FRMD3: variants seen among roughly 807,000 people sequenced by gnomAD.
FRMD3 encodes FERM domain-containing protein 3.
In FRMD3, 33 loss-of-function variants were observed where a neutral mutation model predicts 70.2. The ratio of observed to expected loss-of-function variants is 0.47; its 90% CI spans 0.36 to 0.63. The LOEUF (loss-of-function observed/expected upper bound fraction) is 0.63, where lower values mean the gene tolerates loss of function less well. Among genes scored for constraint, FRMD3 ranks in the 20% least tolerant of loss-of-function variants. The pLI, the probability that FRMD3 is intolerant of heterozygous loss-of-function variation, is 0.00. For synonymous variants in FRMD3, 279 were observed against 255.9 expected (o/e 1.09, Z -0.86); for missense variants, 632 against 711.4 (o/e 0.89, Z 1.27).
intron 1 of FRMD3, among the ~76,000 whole-genome samples, chr9:83,405,932 C>T (rs190718384): frequency 3.3e-5 from 5 of 152,070 alleles, no homozygotes; most frequent in Admixed American, 6.5e-5. Flanking sequence ...CAATTTTACT[C>T]GGTCACAGAT....
chr9:83,255,701 A>G (rs1563976415), intron 13 of FRMD3, among the ~76,000 whole-genome samples: 2 of 152,174 alleles, frequency 1.3e-5, no homozygotes, highest in Non-Finnish European at 2.9e-5. Flanking sequence ...ATCAATGTGC[A>G]AAAATAGCTA....
At chr9:83,376,479 A>G (rs1203097241) in intron 2 of FRMD3, among the ~76,000 whole-genome samples, 1 of 152,230 alleles carries the variant, frequency 6.6e-6, no homozygotes, top group Non-Finnish European at 1.5e-5. Context: ...TTATCATTAT[A>G]CCTGCAATCA....
chr9:83,381,749 A>G (rs1825363324), intron 2 of FRMD3, among the ~76,000 whole-genome samples: 1 of 152,162 alleles, frequency 6.6e-6, no homozygotes, highest in African/African-American at 2.4e-5. Flanking sequence ...CCCTTCATCC[A>G]TTAAGCAACC....
chr9:83,363,775 C>T (rs1411847805), intron 3 of FRMD3, among the ~76,000 whole-genome samples: 2 of 152,010 alleles, frequency 1.3e-5, no homozygotes, highest in African/African-American at 2.4e-5. Flanking sequence ...AGGATGGTCT[C>T]GATCTCCTGA....
At chr9:83,440,877 G>A (rs1359448355) in intron 1 of FRMD3, among the ~76,000 whole-genome samples, 1 of 152,166 alleles carries the variant, frequency 6.6e-6, no homozygotes, top group Non-Finnish European at 1.5e-5. Flanking sequence ...GGGGCCATTA[G>A]GGCTGCATTC....
At chr9:83,402,047 T>G (rs1825964073) in intron 1 of FRMD3, among the ~76,000 whole-genome samples, 1 of 151,972 alleles carries the variant, frequency 6.6e-6, no homozygotes, top group African/African-American at 2.4e-5. Context: ...TAATAAATCT[T>G]AAACTATTAT....
chr9:83,447,522 C>A (rs761692964), intron 1 of FRMD3, among the ~76,000 whole-genome samples: 1 of 152,154 alleles, frequency 6.6e-6, no homozygotes, highest in African/African-American at 2.4e-5. Flanking sequence ...GCCGTAGGCC[C>A]GAGGCACTGT....
the FRMD3 span, among the ~76,000 whole-genome samples, chr9:83,569,348 C>T: frequency 2.0e-3 from 301 of 152,320 alleles, no homozygotes; most frequent in Non-Finnish European, 3.6e-3. Context: ...GAGATCCCTC[C>T]TCTTGCAGAT....
intron 1 of FRMD3, among the ~76,000 whole-genome samples, chr9:83,532,649 A>G (rs1250180841): frequency 2.0e-5 from 3 of 152,168 alleles, no homozygotes; most frequent in African/African-American, 7.2e-5. Flanking sequence ...ACACACACAC[A>G]TAATTCCATT....
chr9:83,542,599 AC>A (rs1830011392), upstream of FRMD3, among the ~76,000 whole-genome samples: 3 of 152,190 alleles, frequency 2.0e-5, no homozygotes, highest in African/African-American at 7.2e-5. Flanking sequence ...ATATCAGCAA[AC>A]TTTTTTTAAA....
intron 1 of FRMD3, among the ~76,000 whole-genome samples, chr9:83,391,833 G>C (rs1160738511): frequency 6.6e-6 from 1 of 152,122 alleles, no homozygotes; most frequent in Non-Finnish European, 1.5e-5. Flanking sequence ...CTAGGTCTTT[G>C]CTACTGAAGG....
chr9:83,495,528 G>C (rs887883779), intron 1 of FRMD3, among the ~76,000 whole-genome samples: 4 of 152,174 alleles, frequency 2.6e-5, no homozygotes. Flanking sequence ...AATAGAAAGG[G>C]GGTAGCTGTC....
At chr9:83,447,397 G>A in intron 1 of FRMD3, among the ~76,000 whole-genome samples, 1 of 152,200 alleles carries the variant, frequency 6.6e-6, no homozygotes. Context: ...CCCATCCAGT[G>A]TGGCCCTGTT....
At chr9:83,490,636 G>C (rs28510381) in intron 1 of FRMD3, among the ~76,000 whole-genome samples, 1 of 152,102 alleles carries the variant, frequency 6.6e-6, no homozygotes, top group African/African-American at 2.4e-5. Flanking sequence ...GCACAAAAAA[G>C]ATTCGTAGGA....
the FRMD3 span, among the ~76,000 whole-genome samples, chr9:83,562,150 G>A: frequency 6.6e-6 from 1 of 152,200 alleles, no homozygotes; most frequent in Non-Finnish European, 1.5e-5. Context: ...GGGATATTTA[G>A]GGAGTAAAAA....
At chr9:83,313,339 T>C (rs1248475258) in intron 7 of FRMD3, among the ~76,000 whole-genome samples, 1 of 152,252 alleles carries the variant, frequency 6.6e-6, no homozygotes, top group Non-Finnish European at 1.5e-5. Flanking sequence ...CCATTCTTGC[T>C]GGCAATGGCC....
chr9:83,545,710 C>A, the FRMD3 span, among the ~76,000 whole-genome samples: 3 of 152,004 alleles, frequency 2.0e-5, no homozygotes, highest in Non-Finnish European at 2.9e-5. Context: ...GTATTATAAA[C>A]CATCCAGACC....
intron 1 of FRMD3, among the ~76,000 whole-genome samples, chr9:83,535,196 G>C (rs1439425043): frequency 6.6e-6 from 1 of 152,164 alleles, no homozygotes; most frequent in Non-Finnish European, 1.5e-5. Flanking sequence ...AGTGGAAAAG[G>C]CTGGCTCATG....
intron 7 of FRMD3, among the ~76,000 whole-genome samples, chr9:83,312,980 T>C (rs1450398314): frequency 1.3e-5 from 2 of 152,228 alleles, no homozygotes; most frequent in African/African-American, 4.8e-5. Context: ...GCCTAACTGA[T>C]AAAATGCTTA....
Sources: allele counts gnomAD v4.1 joint callset (sites outside exome capture counted in the v4.1 genomes callset), GRCh38; gene constraint gnomAD v4.1.1; transcripts MANE v1.5; gene names NCBI Gene and HGNC (gene_info 2026-07-23, HGNC 2026-07-21).